Variants in FBXW5 observed in about 807,000 individuals in gnomAD.
FBXW5 encodes the protein F-box/WD repeat-containing protein 5.
Under a neutral mutation model 50.9 loss-of-function variants are expected in FBXW5, and 74 were observed. That is an observed-to-expected ratio of 1.45 (90% confidence interval 1.20 to 1.76). The LOEUF is 1.76. FBXW5 is among the 40% of genes most tolerant of loss of function. The pLI is 0.00. For missense variants in FBXW5, 1,073 were observed against 818.8 expected (o/e 1.31, Z -3.79); for synonymous variants, 523 against 362.2 (o/e 1.44, Z -5.04).
chr9:136,941,058 T>TC lies in FBXW5; in HGVS notation c.1570dup (p.Glu524GlyfsTer57). On this transcript the variant is annotated frameshift_variant, in exon 9 of 9. Transcript: ENST00000325285. LOFTEE classifies it high-confidence loss of function. The stretch of plus-strand genomic sequence containing the variant: ...GTCGTCGCTGGCCGTGAGCAGCAGC[T>TC]CCTGCTCCTGGGGACTGAAGACCAC... The TC allele has an allele frequency of 6.4e-7, 1 of 1,557,932 alleles. No individual in the cohort carries two copies. Among genetic ancestry groups the TC allele is most frequent in the Non-Finnish European group, 8.7e-7 (1 of 1,150,788 alleles).
rs561808530 is a variant in FBXW5, at chr9:136,941,347, C to T, written c.1361G>A (p.Arg454Gln). Residue 454 changes from arginine (R) to glutamine (Q), a missense_variant, in exon 8 of 9, where the codon CGG becomes CAG. Coordinates refer to ENST00000325285, the MANE Select transcript of FBXW5 (RefSeq NM_018998.4). ...CGCACGCAGAGCCCGCCTCACCTCC[C>T]GCATGGTCTTGAGGTCGAACACCAG... ...DLLVFDLKTM[R>Q]EVRRALRAHR... 1.6e-5 allele frequency: 26 copies of T among 1,611,576 alleles called. No homozygotes were observed. Among genetic ancestry groups the T allele is most frequent in the East Asian group, 1.3e-4 (6 of 44,876 alleles).
intron 2 of FBXW5, among the ~76,000 whole-genome samples, 175 bp from the exon 3 acceptor site, chr9:136,943,681 C>T (rs1188484923): frequency 1.3e-5 from 2 of 152,182 alleles, no homozygotes; most frequent in East Asian, 3.9e-4. Context: ...CCCCTGTACC[C>T]CCCACCCCCC....
In FBXW5 at chr9:136,942,588, T is replaced by C. The variant is rs1317341312; in HGVS notation, c.634A>G (p.Ile212Val). The C allele has an allele frequency of 1.9e-6, 3 of 1,611,324 alleles. No individual in the cohort carries two copies. The highest frequency in any genetic ancestry group is 2.5e-6 in the Non-Finnish European group (3 of 1,179,516). ...ISGNLHRIGDITSCSVLWLNN... is the reference protein window; with the variant it reads ...ISGNLHRIGDVTSCSVLWLNN... ...AGCCACAGCACCGAGCAGGAGGTGA[T>C]ATCTCCGATGCGGTGCAGGTTCCCC... Residue 212 changes from isoleucine to valine, a missense_variant, in exon 5 of 9, where the codon ATC becomes GTC. By Grantham distance (29) the Ile-to-Val change is conservative. Transcript: ENST00000325285.
At position 136,941,693 on chromosome 9, in the gene FBXW5, A is replaced by C; in HGVS notation, c.1097-9T>G. ...CAGGATCTGCTTGATGCCTGCAGGG[A>C]GGGCTACGGTGAGGGTCCCTGTCCA... On this transcript the variant is annotated splice_polypyrimidine_tract_variant and intron_variant, in intron 6 of 8. Transcript: ENST00000325285. 6.4e-7 allele frequency: 1 copy of C among 1,550,440 alleles called. No individual in the cohort carries two copies. Among genetic ancestry groups the C allele is most frequent in the Non-Finnish European group, 8.7e-7 (1 of 1,148,318 alleles).
At chr9:136,944,569 C>G (rs1850961139) in intron 1 of FBXW5, 25 bp downstream of exon 1, 1 of 983,634 alleles carries the variant, frequency 1.0e-6, no homozygotes, top group Non-Finnish European at 1.2e-6. Flanking sequence ...AAGGCGGGAC[C>G]CCCGAGGGCC....
chr9:136,943,025 G>A (rs1850858439), intron 3 of FBXW5, 82 bp from the exon 4 acceptor site: 12 of 1,595,462 alleles, frequency 7.5e-6, no homozygotes, highest in Non-Finnish European at 1.0e-5. Context: ...TGAGGCCCCA[G>A]CTCTGCCAGC....
chr9:136,943,185 T>G (rs936263660), intron 3 of FBXW5, among the ~76,000 whole-genome samples, 164 bp downstream of exon 3: 2 of 151,992 alleles, frequency 1.3e-5, no homozygotes, highest in East Asian at 3.9e-4. Flanking sequence ...CCTGCACCGC[T>G]CCTGATCCTC....
Position 136,940,871 on chromosome 9 carries a change from A to C in FBXW5, c.*57T>G. 6.5e-7 allele frequency: 1 copy of C among 1,536,570 alleles called. No individual in the cohort carries two copies. Among genetic ancestry groups the C allele is most frequent in the Non-Finnish European group, 8.8e-7 (1 of 1,142,804 alleles). ...CACCTCTCCCGCTCGGGAAAAAGCC[A>C]CAGAGCCTGGCGATGTCCTCAAGGG... On this transcript the variant is annotated 3_prime_UTR_variant, in exon 9 of 9. Coordinates refer to ENST00000325285, the MANE Select transcript of FBXW5 (RefSeq NM_018998.4).
rs568248938 is a variant in FBXW5 at position 136,943,018 on chromosome 9, G to T, written c.352-75C>A. On this transcript the variant is annotated intron_variant, in intron 3 of 8. Coordinates refer to ENST00000325285, the MANE Select transcript of FBXW5 (RefSeq NM_018998.4). ...GGGGCCTGCTACTACACAGCCATGA[G>T]GCCCCAGCTCTGCCAGCCCTACTCA... 1.2e-4 allele frequency: 195 copies of T among 1,601,076 alleles called. No homozygotes were observed. The African/African-American group carries it at 2.0e-3, about 16-fold the overall frequency.
rs1327730887 is a variant in FBXW5, at chr9:136,942,546, C to T, written c.675+1G>A. On this transcript the variant is annotated splice_donor_variant, in intron 5 of 8. Transcript: ENST00000325285. LOFTEE classifies it high-confidence loss of function. ...AGCCCCGCCCCTAGCCCCGCACGCA[C>T]CTGGAAGGCATTGTTGAGCCACAGC... 2.5e-6 allele frequency: 4 copies of T among 1,610,570 alleles called. No homozygotes were observed. The highest frequency in any genetic ancestry group is 1.7e-6 in the Non-Finnish European group (2 of 1,178,436).
chr9:136,943,034 G>T, intron 3 of FBXW5, 91 bp from the exon 4 acceptor site: 1 of 1,587,370 alleles, frequency 6.3e-7, no homozygotes, highest in South Asian at 1.1e-5. Context: ...AGCTCTGCCA[G>T]CCCTACTCAG....
At chr9:136,943,545 CCT>C in intron 2 of FBXW5, 39 bp from the exon 3 acceptor site, 1 of 1,579,808 alleles carries the variant, frequency 6.3e-7, no homozygotes, top group South Asian at 1.1e-5. Flanking sequence ...CCCGGGCCTT[CCT>C]CGCAGTCACG....
Position 136,942,760 on chromosome 9 carries a change from C to G in FBXW5, c.526+9G>C, listed in dbSNP as rs567366453. Reference sequence around the variant, plus strand: ...GCGGGGGCAGGGTCAACCCGCCGCCCGTGCTCACCTAGGCTGATGACAGCA... The same window carrying G: ...GCGGGGGCAGGGTCAACCCGCCGCCGGTGCTCACCTAGGCTGATGACAGCA... On this transcript the variant is annotated intron_variant, in intron 4 of 8. Transcript: ENST00000325285. 5 of 1,612,122 alleles carry G rather than the reference C, an allele frequency of 3.1e-6. No homozygotes were observed. The highest frequency in any genetic ancestry group is 4.5e-5 in the East Asian group (2 of 44,872).
intron 2 of FBXW5, 48 bp downstream of exon 2, chr9:136,943,843 C>CG (rs1564438334): frequency 6.5e-7 from 1 of 1,535,754 alleles, no homozygotes; most frequent in Admixed American, 2.0e-5. Context: ...CGCAGGGGCC[C>CG]GGGGCCCTGG....
chr9:136,943,244 A>AGGC, intron 3 of FBXW5, 105 bp downstream of exon 3: 4 of 727,608 alleles, frequency 5.5e-6, no homozygotes, highest in East Asian at 3.5e-5. Context: ...CTCTGGCCTG[A>AGGC]CCCACCCCCC....
At position 136,941,247 on chromosome 9, in the gene FBXW5, G is replaced by A; in HGVS notation, c.1457+4C>T. ...CCCGCCCTGCACCACGCCGCGCCCT[G>A]CACCTGGCCACGAAGTCCCTGCTGA... On this transcript the variant is annotated splice_donor_region_variant and intron_variant, in intron 8 of 8. Coordinates refer to ENST00000325285, the MANE Select transcript of FBXW5 (RefSeq NM_018998.4). 6.2e-7 allele frequency: 1 copy of A among 1,603,612 alleles called. No individual in the cohort carries two copies. Among genetic ancestry groups the A allele is most frequent in the South Asian group, 1.1e-5 (1 of 90,864 alleles).
In FBXW5 at chr9:136,941,232, A is replaced by G. The variant is rs781297662; in HGVS notation, c.1457+19T>C. Reference sequence around the variant, plus strand: ...CCGCTGCTGCCCACACCCGCCCTGCACCACGCCGCGCCCTGCACCTGGCCA... The same window carrying G: ...CCGCTGCTGCCCACACCCGCCCTGCGCCACGCCGCGCCCTGCACCTGGCCA... On this transcript the variant is annotated intron_variant, in intron 8 of 8. Transcript: ENST00000325285. The G allele has an allele frequency of 1.9e-5, 31 of 1,601,260 alleles. No individual in the cohort carries two copies. Among genetic ancestry groups the G allele is most frequent in the Non-Finnish European group, 2.5e-5 (30 of 1,178,098 alleles).
Position 136,942,175 on chromosome 9 carries a change from G to C in FBXW5, c.967C>G (p.Leu323Val), listed in dbSNP as rs559429464. ...AGCAGCTCGGCCACCTTGGTCTCTA[G>C]CATGCGCTCCGACAGCTGTGGCTGC... ...RAQPQLSERM[L>V]ETKVAELLAQ... is the part of the protein sequence containing the mutation. The change falls in exon 6 of 9, where the codon CTA becomes GTA. Residue 323 changes from leucine (L) to valine (V), a missense_variant. Coordinates refer to ENST00000325285, the MANE Select transcript of FBXW5 (RefSeq NM_018998.4). 8.1e-6 allele frequency: 13 copies of C among 1,597,680 alleles called. No homozygotes were observed. In the East Asian group the frequency reaches 3.0e-4, roughly 36 times the overall value.
chr9:136,943,569 A>T, intron 2 of FBXW5, 63 bp from the exon 3 acceptor site: 3 of 1,546,704 alleles, frequency 1.9e-6, no homozygotes, highest in Non-Finnish European at 8.8e-7. Context: ...CCATGAGCCG[A>T]GTGTGGCCCC....
Sources: allele counts gnomAD v4.1 joint callset (sites outside exome capture counted in the v4.1 genomes callset), GRCh38; gene constraint gnomAD v4.1.1; transcripts MANE v1.5; gene names NCBI Gene and HGNC (gene_info 2026-07-23, HGNC 2026-07-21).